Variants in TMEM132C observed in about 807,000 individuals in gnomAD.
The protein encoded by TMEM132C is transmembrane protein 132C.
A neutral mutation model predicts 61.4 loss-of-function variants in TMEM132C; 29 were observed. The observed-to-expected ratio is 0.47, with a 90% CI of 0.35 to 0.64. TMEM132C has a LOEUF of 0.64. Among genes scored for constraint, TMEM132C ranks in the 30% least tolerant of loss-of-function variants. The pLI, the probability that TMEM132C is intolerant of heterozygous loss-of-function variation, is 0.00. For synonymous variants in TMEM132C, 656 were observed against 633.1 expected, an observed-to-expected ratio of 1.04 and a Z score of -0.54; for missense variants, 1,408 against 1,476.9, an observed-to-expected ratio of 0.95 and a Z score of 0.76.
At chr12:128,610,378 A>C (rs1277883948) in intron 3 of TMEM132C, among the ~76,000 whole-genome samples, 1 of 152,148 alleles carries the variant, frequency 6.6e-6, no homozygotes, top group African/African-American at 2.4e-5. Context: ...CCCAGACTCA[A>C]TTTTCTTACC....
At chr12:128,625,835 C>T (rs1382438802) in intron 4 of TMEM132C, among the ~76,000 whole-genome samples, 1 of 152,156 alleles carries the variant, frequency 6.6e-6, no homozygotes, top group South Asian at 2.1e-4. Context: ...CCCAAAGGCC[C>T]CACCTCCTAA....
At chr12:128,605,373 CA>C (rs1277118508) in intron 3 of TMEM132C, among the ~76,000 whole-genome samples, 1 of 152,132 alleles carries the variant, frequency 6.6e-6, no homozygotes, top group Non-Finnish European at 1.5e-5. Context: ...TGGGGAGAGT[CA>C]GCCCTTTTGT....
chr12:128,289,420 A>G (rs930742932), intron 1 of TMEM132C, among the ~76,000 whole-genome samples: 4 of 152,258 alleles, frequency 2.6e-5, no homozygotes. Context: ...CAGTCCTGTT[A>G]GTACATCTAT....
intron 4 of TMEM132C, among the ~76,000 whole-genome samples, chr12:128,651,990 T>C (rs1447677306): frequency 1.3e-5 from 2 of 152,150 alleles, no homozygotes; most frequent in Non-Finnish European, 2.9e-5. Context: ...GGTTTTTAAC[T>C]CTATTTTCAG....
intron 1 of TMEM132C, among the ~76,000 whole-genome samples, chr12:128,324,889 C>T (rs770178083): frequency 2.0e-5 from 3 of 152,092 alleles, no homozygotes; most frequent in Admixed American, 1.3e-4. Context: ...TCTTCAAGAA[C>T]GAGACATTAG....
intron 1 of TMEM132C, among the ~76,000 whole-genome samples, chr12:128,379,282 ATGT>A (rs1351080293): frequency 6.6e-6 from 1 of 152,130 alleles, no homozygotes; most frequent in African/African-American, 2.4e-5. Flanking sequence ...TTCCTGGGTA[ATGT>A]TGGTGCAGAT....
intron 2 of TMEM132C, among the ~76,000 whole-genome samples, chr12:128,542,711 A>T (rs1228423526): frequency 7.7e-6 from 1 of 130,184 alleles, no homozygotes; most frequent in African/African-American, 2.7e-5. Flanking sequence ...ATACAAAAAA[A>T]GTAGCCGGGC....
Position 128,313,287 on chromosome 12 carries a change from C to T in TMEM132C, c.85+45800C>T, listed in dbSNP as rs148224390. On this transcript the variant is annotated intron_variant, in intron 1 of 8. Transcript: ENST00000435159. The stretch of plus-strand genomic sequence containing the variant: ...GATAGGACATCACCTCATAACTGCT[C>T]ATAAAGAGAGTTCCCAGAAGCTAAG... 8.7e-3 allele frequency among the ~76,000 whole-genome samples: 1,321 copies of T among 152,302 alleles called. 12 individuals are homozygous for T. Among genetic ancestry groups the T allele is most frequent in the African/African-American group, 0.028 (1,179 of 41,562 alleles).
chr12:128,524,752 C>T (rs954450931), intron 2 of TMEM132C, among the ~76,000 whole-genome samples: 2 of 152,282 alleles, frequency 1.3e-5, no homozygotes, highest in Admixed American at 6.5e-5. Flanking sequence ...CAGGTGGAAA[C>T]GCCATGTCTC....
chr12:128,707,829 A>C lies in TMEM132C; in HGVS notation c.*1534A>C, dbSNP rs1488485720. 6.6e-6 allele frequency: 1 copy of C among 152,154 alleles called. No homozygotes were observed. Among genetic ancestry groups the C allele is most frequent in the African/African-American group, 2.4e-5 (1 of 41,456 alleles). The allele number at this position is 152,154 out of a possible 1,614,324, so 9.4% of individuals were successfully genotyped here. A position where few individuals can be genotyped will look rare whatever the true frequency, so the allele number is the denominator to read the frequency against. The stretch of plus-strand genomic sequence containing the variant: ...GACCTTTGAAAAATATATTTGTAGC[A>C]CATATTATAGATGGAAAGAAGAAGA... On this transcript the variant is annotated 3_prime_UTR_variant, in exon 9 of 9. Coordinates refer to ENST00000435159, the MANE Select transcript of TMEM132C (RefSeq NM_001136103.3).
intron 2 of TMEM132C, among the ~76,000 whole-genome samples, chr12:128,508,292 A>C (rs896653884): frequency 1.3e-5 from 2 of 152,192 alleles, no homozygotes; most frequent in Non-Finnish European, 2.9e-5. Context: ...TCCGTGATTC[A>C]GTTATCGCCC....
intron 2 of TMEM132C, among the ~76,000 whole-genome samples, chr12:128,467,342 T>G (rs1219104756): frequency 2.0e-5 from 3 of 152,216 alleles, no homozygotes; most frequent in Non-Finnish European, 4.4e-5. Context: ...ATATTCTTAA[T>G]ACAAATGCCA....
intron 4 of TMEM132C, among the ~76,000 whole-genome samples, chr12:128,631,509 A>G (rs1954064908): frequency 6.6e-6 from 1 of 152,080 alleles, no homozygotes; most frequent in Non-Finnish European, 1.5e-5. Context: ...TTTTTTTCAG[A>G]TTGTGTGAAA....
At chr12:128,330,169 C>T (rs1872634247) in intron 1 of TMEM132C, among the ~76,000 whole-genome samples, 1 of 152,110 alleles carries the variant, frequency 6.6e-6, no homozygotes, top group African/African-American at 2.4e-5. Context: ...AGGCACAATG[C>T]CAACAAGTAC....
At chr12:128,541,989 A>T (rs909177870) in intron 2 of TMEM132C, among the ~76,000 whole-genome samples, 1 of 152,168 alleles carries the variant, frequency 6.6e-6, no homozygotes, top group South Asian at 2.1e-4. Context: ...CCCATACCCA[A>T]TGTGAAGTCC....
At chr12:128,272,104 A>G (rs1423866705) in intron 1 of TMEM132C, among the ~76,000 whole-genome samples, 1 of 152,230 alleles carries the variant, frequency 6.6e-6, no homozygotes, top group Admixed American at 6.5e-5. Flanking sequence ...CGACAAATGC[A>G]CACAGTCACG....
At chr12:128,550,287 G>A (rs1370736800) in intron 3 of TMEM132C, among the ~76,000 whole-genome samples, 1 of 151,804 alleles carries the variant, frequency 6.6e-6, no homozygotes, top group Non-Finnish European at 1.5e-5. Context: ...TGGAGAGAGA[G>A]AAGCTCCTGG....
Position 128,415,532 on chromosome 12 carries a change from C to T in TMEM132C, c.886C>T (p.Leu296=). 6.4e-7 allele frequency: 1 copy of T among 1,551,472 alleles called. No homozygotes were observed. The highest frequency in any genetic ancestry group is 8.7e-7 in the Non-Finnish European group (1 of 1,146,988). ...LRLDGNVVIW[L]PSRPVKQGEV... is the part of the protein sequence containing the mutation. ...TTTGGATGGTAACGTGGTCATCTGG[C>T]TGCCTTCCAGGCCAGTCAAGCAGGG... The change falls in exon 2 of 9, where the codon CTG becomes TTG. Residue 296 remains leucine (L), a synonymous_variant. Coordinates refer to ENST00000435159, the MANE Select transcript of TMEM132C (RefSeq NM_001136103.3). The surrounding 1 kb of genome is among the most constrained non-coding windows in gnomAD (Gnocchi z 5.8).
intron 4 of TMEM132C, among the ~76,000 whole-genome samples, chr12:128,651,533 C>T (rs1954270140): frequency 2.0e-5 from 3 of 152,212 alleles, no homozygotes; most frequent in African/African-American, 7.2e-5. Flanking sequence ...TCTATATGTT[C>T]ATTAAGCAAC....
Sources: allele counts gnomAD v4.1 joint callset (sites outside exome capture counted in the v4.1 genomes callset), GRCh38; gene constraint gnomAD v4.1.1; non-coding constraint Gnocchi (gnomAD v3.1); transcripts MANE v1.5; gene names NCBI Gene and HGNC (gene_info 2026-07-23, HGNC 2026-07-21).